The following NCOA1 variants were observed in gnomAD, a reference collection of about 807,000 sequenced individuals.
The protein encoded by NCOA1 is nuclear receptor coactivator 1, also known as Hin-2 protein.
A neutral mutation model predicts 150.9 loss-of-function variants in NCOA1; 35 were observed. The observed-to-expected ratio is 0.23, with a 90% CI of 0.18 to 0.31. The LOEUF is 0.31. Ranked by LOEUF, NCOA1 falls within the 10% of genes least tolerant of loss-of-function variation. The pLI is 1.00. For synonymous variants in NCOA1, 590 were observed against 630.0 expected, an observed-to-expected ratio of 0.94 and a Z score of 0.95; for missense variants, 1,491 against 1,749.3, an observed-to-expected ratio of 0.85 and a Z score of 2.63.
In NCOA1 at chr2:24,548,563, T is replaced by A. The variant is rs191656756; in HGVS notation, c.-395-15732T>A. On this transcript the variant is annotated intron_variant, in intron 1 of 22. Coordinates refer to ENST00000348332, the MANE Select transcript of NCOA1 (RefSeq NM_003743.5). ...TAACTCAAAAGTCCACAGTCCAAAG[T>A]CTCATCCAAGACAAGGCAAGTCCCT... 4.0e-3 allele frequency among the ~76,000 whole-genome samples: 616 copies of A among 152,220 alleles called. 8 individuals are homozygous for A. The highest frequency in any genetic ancestry group is 0.014 in the African/African-American group (594 of 41,524).
chr2:24,517,688 CAT>C (rs1664263234), intron 1 of NCOA1, among the ~76,000 whole-genome samples: 1 of 152,210 alleles, frequency 6.6e-6, no homozygotes, highest in African/African-American at 2.4e-5. Context: ...CCAGAGCACA[CAT>C]GTGAAGTGCT....
intron 1 of NCOA1, among the ~76,000 whole-genome samples, chr2:24,520,423 A>T (rs544940676): frequency 1.3e-5 from 2 of 152,356 alleles, no homozygotes; most frequent in Admixed American, 1.3e-4. Context: ...AATAAAAATG[A>T]AATAACCATA....
intron 6 of NCOA1, 117 bp from the exon 7 acceptor site, chr2:24,673,249 A>T: frequency 1.7e-6 from 1 of 591,982 alleles, no homozygotes; most frequent in East Asian, 3.2e-5. Context: ...AAGTGCCTAG[A>T]TACTGACTAA....
intron 7 of NCOA1, among the ~76,000 whole-genome samples, chr2:24,681,029 T>G (rs1282150218): frequency 2.0e-5 from 3 of 151,100 alleles, no homozygotes; most frequent in Non-Finnish European, 2.9e-5. Context: ...AAAAAATGAT[T>G]CTTCCAAACA....
At chr2:24,696,679 A>G (rs774108763) in intron 10 of NCOA1, among the ~76,000 whole-genome samples, 4 of 152,160 alleles carry the variant, frequency 2.6e-5, no homozygotes, top group Admixed American at 6.5e-5. Flanking sequence ...GTACCATGCA[A>G]CACGTGAAAG....
At chr2:24,622,022 A>G (rs1048172130) in intron 3 of NCOA1, among the ~76,000 whole-genome samples, 9 of 152,202 alleles carry the variant, frequency 5.9e-5, no homozygotes, top group African/African-American at 2.2e-4. Context: ...GAAAATGCTC[A>G]GACACTCCTG....
chr2:24,665,688 G>A, intron 5 of NCOA1, 61 bp from the exon 6 acceptor site: 1 of 1,274,046 alleles, frequency 7.8e-7, no homozygotes, highest in Non-Finnish European at 1.0e-6. Flanking sequence ...ATAGATACTT[G>A]ATCAGAGAAG....
intron 22 of NCOA1, chr2:24,767,959 A>G: frequency 1.1e-6 from 1 of 903,404 alleles, no homozygotes; most frequent in Non-Finnish European, 1.7e-6. Context: ...AATGATACTC[A>G]CTTTCAGTAT....
chr2:24,568,634 T>G (rs1666606643), intron 2 of NCOA1, among the ~76,000 whole-genome samples: 2 of 152,214 alleles, frequency 1.3e-5, no homozygotes, highest in Admixed American at 1.3e-4. Flanking sequence ...TACTGTATCA[T>G]TCAGAGGTAT....
intron 14 of NCOA1, among the ~76,000 whole-genome samples, chr2:24,714,757 AGGG>A (rs951344252): frequency 1.3e-5 from 2 of 152,102 alleles, no homozygotes; most frequent in East Asian, 1.9e-4. Flanking sequence ...TTATGGAAGA[AGGG>A]GGAGCAGGTG....
At chr2:24,763,101 T>G (rs1292550890) in intron 22 of NCOA1, among the ~76,000 whole-genome samples, 1 of 152,160 alleles carries the variant, frequency 6.6e-6, no homozygotes, top group African/African-American at 2.4e-5. Flanking sequence ...AGCACAGTGC[T>G]AAAAACTCAT....
intron 7 of NCOA1, among the ~76,000 whole-genome samples, chr2:24,682,279 C>T (rs1672210506): frequency 1.3e-5 from 2 of 152,190 alleles, no homozygotes; most frequent in Non-Finnish European, 2.9e-5. Context: ...TCAACCTCTG[C>T]ATTCTGGCTC....
At chr2:24,530,514 G>A (rs981238771) in intron 1 of NCOA1, among the ~76,000 whole-genome samples, 3 of 151,974 alleles carry the variant, frequency 2.0e-5, no homozygotes, top group African/African-American at 7.2e-5. Flanking sequence ...TTTTTCTGCC[G>A]AGGACAAGTA....
At chr2:24,560,829 C>T (rs951022544) in intron 1 of NCOA1, among the ~76,000 whole-genome samples, 6 of 152,052 alleles carry the variant, frequency 3.9e-5, no homozygotes, top group South Asian at 2.1e-4. Flanking sequence ...GATAAAGTGA[C>T]GTACAAGGAA....
chr2:24,645,796 A>G (rs1329157257), intron 4 of NCOA1, among the ~76,000 whole-genome samples: 2 of 152,162 alleles, frequency 1.3e-5, no homozygotes, highest in East Asian at 1.9e-4. Context: ...CTCAACCTGT[A>G]TTAATTTATG....
At chr2:24,578,581 T>C (rs1183143658) in intron 2 of NCOA1, among the ~76,000 whole-genome samples, 2 of 152,150 alleles carry the variant, frequency 1.3e-5, no homozygotes, top group South Asian at 2.1e-4. Flanking sequence ...TTCAACATCA[T>C]TGGTAGTTAA....
intron 21 of NCOA1, among the ~76,000 whole-genome samples, chr2:24,760,556 C>G (rs1350432315): frequency 6.6e-6 from 1 of 152,094 alleles, no homozygotes; most frequent in African/African-American, 2.4e-5. Flanking sequence ...TTCCCCTAAA[C>G]TCTAGCTTGG....
intron 3 of NCOA1, among the ~76,000 whole-genome samples, chr2:24,606,641 T>C (rs1668382773): frequency 6.6e-6 from 1 of 152,230 alleles, no homozygotes; most frequent in South Asian, 2.1e-4. Context: ...GTTTGAAGTA[T>C]TTTTTGCTGT....
intron 3 of NCOA1, among the ~76,000 whole-genome samples, chr2:24,634,215 G>C (rs1232180777): frequency 6.6e-6 from 1 of 152,134 alleles, no homozygotes; most frequent in East Asian, 1.9e-4. Flanking sequence ...TCAAGGGGAG[G>C]GGGAAGGAAC....
Sources: allele counts gnomAD v4.1 joint callset (sites outside exome capture counted in the v4.1 genomes callset), GRCh38; gene constraint gnomAD v4.1.1; transcripts MANE v1.5; gene names NCBI Gene and HGNC (gene_info 2026-07-23, HGNC 2026-07-21).